The following CRY1 variants were observed in gnomAD, a reference collection of about 807,000 sequenced individuals.
CRY1 encodes cryptochrome circadian regulator 1, also known as cryptochrome-1.
Under a neutral mutation model 76.0 loss-of-function variants are expected in CRY1, and 45 were observed. The observed-to-expected ratio is 0.59, with a 90% CI of 0.47 to 0.76. The LOEUF is 0.76. CRY1 is among the 30% of genes least tolerant of loss of function. CRY1 has a pLI of 0.00. For synonymous variants in CRY1, 248 were observed against 244.0 expected (o/e 1.02, Z -0.15); for missense variants, 587 against 716.4 (o/e 0.82, Z 2.06).
intron 1 of CRY1, among the ~76,000 whole-genome samples, chr12:107,072,110 G>C (rs1233598711): frequency 1.3e-5 from 2 of 152,120 alleles, no homozygotes; most frequent in Non-Finnish European, 2.9e-5. Context: ...CTCCTTTTTG[G>C]AATTGAATTC....
Position 107,029,106 on chromosome 12 carries a change from G to A in CRY1, c.159-6914C>T, listed in dbSNP as rs895601599. 4.6e-5 allele frequency among the ~76,000 whole-genome samples: 7 copies of A among 152,050 alleles called. 1 individual carries two copies. Among genetic ancestry groups the A allele is most frequent in the African/African-American group, 1.4e-4 (6 of 41,390 alleles). Reference sequence around the variant, plus strand: ...TACTTTAGAGACAGGGTCTCGTTATGTTGCCCAGGCTGGCCTCAAATTCCT... The same window carrying A: ...TACTTTAGAGACAGGGTCTCGTTATATTGCCCAGGCTGGCCTCAAATTCCT... On this transcript the variant is annotated intron_variant, in intron 1 of 12. Transcript: ENST00000008527.
At chr12:106,993,967 GCA>G (rs1952206710) in intron 10 of CRY1, among the ~76,000 whole-genome samples, 1 of 151,896 alleles carries the variant, frequency 6.6e-6, no homozygotes, top group South Asian at 2.1e-4. Flanking sequence ...GAGCACATGT[GCA>G]CACACACACA....
At chr12:107,012,363 C>A (rs115956622) in intron 2 of CRY1, among the ~76,000 whole-genome samples, 1,893 of 152,250 alleles carry the variant, frequency 0.012, 32 homozygotes, top group African/African-American at 0.043. Flanking sequence ...TCTGCCTGTG[C>A]AGAACAGGAA....
rs8192441 is a variant in CRY1 at position 106,991,676 on chromosome 12, T to G, written c.*326A>C. 0.01 allele frequency: 1,596 copies of G among 152,716 alleles called. 12 individuals are homozygous for G. Among genetic ancestry groups the G allele is most frequent in the Non-Finnish European group, 0.017 (1,180 of 67,992 alleles). The allele number at this position is 152,716 out of a possible 1,614,324, so 9.5% of individuals were successfully genotyped here. On this transcript the variant is annotated 3_prime_UTR_variant, in exon 13 of 13. Coordinates refer to ENST00000008527, the MANE Select transcript of CRY1 (RefSeq NM_004075.5). ...TTTTTTCCCACTGACTTCAAAACTT[T>G]GAGTTTTATATCAGAATATCAATTT...
intron 7 of CRY1, 44 bp from the exon 8 acceptor site, chr12:106,998,110 C>A: frequency 6.2e-7 from 1 of 1,603,646 alleles, no homozygotes; most frequent in South Asian, 1.1e-5. Context: ...ACACATAATT[C>A]GCAAAGCAAG....
chr12:106,994,054 A>C (rs1439985073), intron 10 of CRY1, among the ~76,000 whole-genome samples: 3 of 150,964 alleles, frequency 2.0e-5, no homozygotes, highest in African/African-American at 7.4e-5. Context: ...TTAAAAAAAC[A>C]AACAAAAACA....
chr12:107,070,895 A>C (rs1953183293), intron 1 of CRY1, among the ~76,000 whole-genome samples: 1 of 147,200 alleles, frequency 6.8e-6, no homozygotes, highest in African/African-American at 2.5e-5. Flanking sequence ...TAGTAGAGAC[A>C]GGGTTTCACC....
intron 2 of CRY1, among the ~76,000 whole-genome samples, chr12:107,010,879 A>AC (rs946626934): frequency 1.3e-5 from 2 of 151,530 alleles, no homozygotes; most frequent in African/African-American, 2.4e-5. Flanking sequence ...CATCTCTTTC[A>AC]CCCTCTCTCC....
chr12:107,013,931 G>GA (rs1359723276), intron 2 of CRY1, among the ~76,000 whole-genome samples: 2 of 152,072 alleles, frequency 1.3e-5, no homozygotes, highest in African/African-American at 4.8e-5. Context: ...GTGGCTATTA[G>GA]AAAATTTTAA....
chr12:107,020,898 G>A (rs1341066420), intron 2 of CRY1, among the ~76,000 whole-genome samples: 1 of 152,052 alleles, frequency 6.6e-6, no homozygotes, highest in Non-Finnish European at 1.5e-5. Flanking sequence ...TATTCTCTAG[G>A]CCTAATTTTT....
chr12:107,048,242 G>A (rs1952872713), intron 1 of CRY1, among the ~76,000 whole-genome samples: 1 of 151,926 alleles, frequency 6.6e-6, no homozygotes, highest in South Asian at 2.1e-4. Flanking sequence ...CACCACACCT[G>A]GCTAACTTTT....
intron 1 of CRY1, among the ~76,000 whole-genome samples, chr12:107,080,427 C>T (rs1038582295): frequency 1.3e-5 from 2 of 151,778 alleles, no homozygotes; most frequent in Non-Finnish European, 2.9e-5. Context: ...TGGGCATAGA[C>T]GAGTAAATGG....
At position 106,998,033 on chromosome 12, in the gene CRY1, T is replaced by C. The variant is rs911470936; in HGVS notation, c.1171A>G (p.Ser391Gly). The C allele has an allele frequency of 1.9e-6, 3 of 1,613,968 alleles. No homozygotes were observed. The African/African-American group carries it at 4.0e-5, about 22-fold the overall frequency. Residue 391 changes from serine to glycine, a missense_variant, in exon 8 of 13, where the codon AGC becomes GGC. Ser to Gly is a moderately conservative substitution (Grantham distance 56, BLOSUM62 0). Transcript: ENST00000008527. The stretch of plus-strand genomic sequence containing the variant: ...CACATCCAACTTCCAGCATTTATGC[T>C]CCAATCTGCATCAAGCAATAATTCT... The part of the protein sequence containing the change: ...FEELLLDADW[S>G]INAGSWMWLS...
intron 1 of CRY1, among the ~76,000 whole-genome samples, chr12:107,088,397 T>A (rs1953428989): frequency 6.6e-6 from 1 of 152,224 alleles, no homozygotes; most frequent in South Asian, 2.1e-4. Context: ...ATGCTTCTAG[T>A]AAAGCCTGCA....
intron 2 of CRY1, among the ~76,000 whole-genome samples, chr12:107,007,362 G>C (rs1474505537): frequency 6.6e-6 from 1 of 152,148 alleles, no homozygotes; most frequent in Non-Finnish European, 1.5e-5. Context: ...TGCAGAGAGA[G>C]TGCCTAGCAC....
intron 2 of CRY1, among the ~76,000 whole-genome samples, chr12:107,019,226 T>TA (rs1244273187): frequency 6.6e-6 from 1 of 151,888 alleles, no homozygotes; most frequent in Non-Finnish European, 1.5e-5. Flanking sequence ...CTTTTTTTTT[T>TA]AAACATATGC....
At chr12:107,071,893 C>A (rs1259093365) in intron 1 of CRY1, among the ~76,000 whole-genome samples, 1 of 151,810 alleles carries the variant, frequency 6.6e-6, no homozygotes, top group Non-Finnish European at 1.5e-5. Flanking sequence ...TGACAAGAAA[C>A]CTAGAATAAC....
intron 1 of CRY1, among the ~76,000 whole-genome samples, chr12:107,092,143 T>A (rs1953478881): frequency 6.6e-6 from 1 of 152,154 alleles, no homozygotes; most frequent in African/African-American, 2.4e-5. Context: ...GGCCTAACAA[T>A]CATGTAGCCT....
intron 1 of CRY1, among the ~76,000 whole-genome samples, chr12:107,025,362 G>A (rs1952596047): frequency 6.6e-6 from 1 of 152,110 alleles, no homozygotes; most frequent in Admixed American, 6.6e-5. Context: ...TAGTTTCATA[G>A]TACTTCATTG....
Sources: allele counts gnomAD v4.1 joint callset (sites outside exome capture counted in the v4.1 genomes callset), GRCh38; gene constraint gnomAD v4.1.1; transcripts MANE v1.5; gene names NCBI Gene and HGNC (gene_info 2026-07-23, HGNC 2026-07-21).